TTN: variants seen among roughly 807,000 people sequenced by gnomAD.
The protein encoded by TTN is titin.
In TTN, 1,525 loss-of-function variants were observed where a neutral mutation model predicts 3,223.0. The observed-to-expected ratio is 0.47, with a 90% CI of 0.45 to 0.49. The LOEUF (loss-of-function observed/expected upper bound fraction) is 0.49. Among genes scored for constraint, TTN ranks in the 20% least tolerant of loss-of-function variants. The pLI is 0.00. For synonymous variants in TTN, 14,094 were observed against 15,161.0 expected (o/e 0.93, Z 5.17); for missense variants, 40,786 against 43,424.0 (o/e 0.94, Z 5.40).
In TTN at chr2:178,604,113, C is replaced by CCAAAGG. The variant is rs1399891308; in HGVS notation, c.54568_54573dup (p.Pro18190_Leu18191dup). On this transcript the variant is annotated inframe_insertion, in exon 282 of 363. Transcript: ENST00000589042. The stretch of plus-strand genomic sequence containing the variant: ...CCAGTAATTGGAGAGCCACCATTGT[C>CCAAAGG]CAAAGGAGGAGTCCAGCTCACTAGC... 1 of 1,612,546 alleles carries CCAAAGG rather than the reference C, an allele frequency of 6.2e-7. No individual in the cohort carries two copies. The highest frequency in any genetic ancestry group is 8.5e-7 in the Non-Finnish European group (1 of 1,179,032).
Position 178,561,216 on chromosome 2 carries a change from T to C in TTN, c.84916A>G (p.Asn28306Asp), listed in dbSNP as rs758424234. The stretch of plus-strand genomic sequence containing the variant: ...ACTTCAAAGTATGTTTCTTGTATAT[T>C]AGTATAATTGCACTTCAGCCACCGG... ...DGRWLKCNYT[N>D]IQETYFEVTE... Residue 28306 changes from asparagine to aspartate, a missense_variant, in exon 326 of 363, where the codon AAT (asparagine) becomes GAT (aspartate). Asn to Asp is a conservative substitution (Grantham distance 23, BLOSUM62 1). Transcript: ENST00000589042. The C allele has an allele frequency of 3.2e-5, 51 of 1,613,596 alleles. No homozygotes were observed. In the South Asian group the frequency reaches 5.6e-4, roughly 18 times the overall value.
chr2:178,576,780 G>A lies in TTN; in HGVS notation c.69464C>T (p.Thr23155Ile). Residue 23155 changes from threonine (T) to isoleucine (I), a missense_variant, in exon 325 of 363, where the codon ACT (threonine) becomes ATT (isoleucine). Coordinates refer to ENST00000589042, the MANE Select transcript of TTN (RefSeq NM_001267550.2). This position sits in a 1 kb window ranked among gnomAD's most constrained non-coding sequence, Gnocchi z 4.3. ...KPEVSNVTKNTATVSWKRPVD... is the reference protein window; with the variant it reads ...KPEVSNVTKNIATVSWKRPVD... ...TGGCCTTTTCCAGCTGACAGTGGCA[G>A]TGTTCTTAGTGACATTTGATACCTC... 1 of 1,613,420 alleles carries A rather than the reference G, an allele frequency of 6.2e-7. No homozygotes were observed. The highest frequency in any genetic ancestry group is 8.5e-7 in the Non-Finnish European group (1 of 1,179,608).
chr2:178,799,279 G>A, intron 6 of TTN: 1 of 707,466 alleles, frequency 1.4e-6, no homozygotes, highest in Non-Finnish European at 2.3e-6. Context: ...CTAGTAGGCA[G>A]ACACACAAGC....
At chr2:178,747,075 G>A in intron 47 of TTN, 1 of 1,612,642 alleles carries the variant, frequency 6.2e-7, no homozygotes, top group Non-Finnish European at 8.5e-7. Flanking sequence ...TCCCCTGGGG[G>A]TGTGGAATAT....
Position 178,576,745 on chromosome 2 carries a change from C to T in TTN, c.69499G>A (p.Gly23167Ser), listed in dbSNP as rs1412783912. 1 of 1,613,496 alleles carries T rather than the reference C, an allele frequency of 6.2e-7. No homozygotes were observed. The highest frequency in any genetic ancestry group is 8.5e-7 in the Non-Finnish European group (1 of 1,179,622). The change falls in exon 325 of 363, where the codon GGT (glycine) becomes AGT (serine). Residue 23167 changes from glycine to serine, a missense_variant. By Grantham distance (56) the Gly-to-Ser change is moderately conservative. Coordinates refer to ENST00000589042, the MANE Select transcript of TTN (RefSeq NM_001267550.2). The surrounding 1 kb of genome is among the most constrained non-coding windows in gnomAD (Gnocchi z 4.3). ...TVSWKRPVDD[G>S]GSEITGYHVE... is the part of the protein sequence containing the mutation. ...TGATATCCTGTAATTTCGCTGCCAC[C>T]ATCATCCACTGGCCTTTTCCAGCTG...
rs765233217 is a variant in TTN, at chr2:178,680,321, C to T, written c.33351G>A (p.Lys11117=). 6.2e-7 allele frequency: 1 copy of T among 1,608,650 alleles called. No individual in the cohort carries two copies. The highest frequency in any genetic ancestry group is 1.3e-5 in the African/African-American group (1 of 74,512). ...VTEPAAKVPM[K]PKRVVAEEKV... is the part of the protein sequence containing the mutation. ...TTTCTTCTGCGACAACCCTCTTGGG[C>T]TTCATGGGCACTTGAAATATGAAGT... Residue 11117 remains lysine, a synonymous_variant, in exon 139 of 363, where the codon AAG becomes AAA. Transcript: ENST00000589042.
chr2:178,584,993 T>G, intron 309 of TTN, 25 bp from the exon 310 acceptor site: 1 of 1,609,028 alleles, frequency 6.2e-7, no homozygotes. Context: ...AGGAAAGAAA[T>G]GTAAGAACAA....
chr2:178,756,062 T>C (rs2086832696), intron 46 of TTN, among the ~76,000 whole-genome samples, 160 bp downstream of exon 46: 2 of 152,224 alleles, frequency 1.3e-5, no homozygotes, highest in South Asian at 4.1e-4. Context: ...AGGATAATCA[T>C]GGCCAATGAC....
intron 15 of TTN, among the ~76,000 whole-genome samples, chr2:178,785,315 GAACAATAGT>G (rs1345019770): frequency 6.6e-6 from 1 of 152,106 alleles, no homozygotes; most frequent in Admixed American, 6.5e-5. Context: ...AAAATCATTA[GAACAATAGT>G]AATCAAAACA....
intron 246 of TTN, 48 bp downstream of exon 246, chr2:178,621,054 C>T: frequency 3.1e-6 from 5 of 1,604,972 alleles, no homozygotes; most frequent in Non-Finnish European, 3.4e-6. Context: ...AATACAAATA[C>T]AAAACAAACA....
At chr2:178,641,395 G>A in intron 219 of TTN, 80 bp from the exon 220 acceptor site, 1 of 836,152 alleles carries the variant, frequency 1.2e-6, no homozygotes, top group Non-Finnish European at 1.8e-6. Context: ...TGCAAATAAT[G>A]TACAAAGCAA....
In TTN at chr2:178,721,136, AG is replaced by A; in HGVS notation, c.22882del (p.Leu7628TrpfsTer5). ...TGGGGAGCCACTTATTTTACATTCC[AG>A]TTGAATGGATTCTCCCTGCTTTGCA... ...KVAKQGESIQ[L>X]ECKISGSPEI... On this transcript the variant is annotated frameshift_variant, in exon 79 of 363. Transcript: ENST00000589042. LOFTEE classifies it high-confidence loss of function. 6.2e-7 allele frequency: 1 copy of A among 1,612,626 alleles called. No homozygotes were observed. Among genetic ancestry groups the A allele is most frequent in the Non-Finnish European group, 8.5e-7 (1 of 1,178,826 alleles).
rs747296177 is a variant in TTN at position 178,609,765 on chromosome 2, A to T, written c.51658T>A (p.Phe17220Ile). ...GCGGCGTTCTCTGCTCGCACACGGA[A>T]TTGGTACTCTTTCCCCTCTTCAAGT... ...KGLEEGKEYQ[F>I]RVRAENAAGI... The change falls in exon 272 of 363, where the codon TTC becomes ATC. Residue 17220 changes from phenylalanine to isoleucine, a missense_variant. Coordinates refer to ENST00000589042, the MANE Select transcript of TTN (RefSeq NM_001267550.2). 1 of 1,612,790 alleles carries T rather than the reference A, an allele frequency of 6.2e-7. No individual in the cohort carries two copies. Among genetic ancestry groups the T allele is most frequent in the East Asian group, 2.2e-5 (1 of 44,770 alleles).
chr2:178,720,803 C>T, intron 79 of TTN, 118 bp downstream of exon 79: 2 of 1,388,864 alleles, frequency 1.4e-6, no homozygotes, highest in Non-Finnish European at 1.9e-6. Flanking sequence ...TTCATTAAAA[C>T]TTGTTGAAGA....
Position 178,528,682 on chromosome 2 carries a change from T to C in TTN, c.107069A>G (p.Tyr35690Cys), listed in dbSNP as rs759928440. 1 of 1,613,550 alleles carries C rather than the reference T, an allele frequency of 6.2e-7. No individual in the cohort carries two copies. The highest frequency in any genetic ancestry group is 1.1e-5 in the South Asian group (1 of 91,002). ...GAGTTCTTTGCTCAGTGTCAAATCATACTGACACTTGACGATTCCTTCCTT... is the reference window on the plus strand; with the variant it reads ...GAGTTCTTTGCTCAGTGTCAAATCACACTGACACTTGACGATTCCTTCCTT... ...KTKEGIVKCQ[Y>C]DLTLSKELSD... The change falls in exon 360 of 363, where the codon TAT becomes TGT. Residue 35690 changes from tyrosine to cysteine, a missense_variant. Transcript: ENST00000589042.
chr2:178,533,650 C>G lies in TTN; in HGVS notation c.102965G>C (p.Ser34322Thr), dbSNP rs763242057. ...DKGLYQLTIN[S>T]VTTDDDAEYT... ...TTCAGCGTCATCATCTGTAGTGACACTGTTGATTGTTAATTGGTAAAGACC... is the reference window on the plus strand; with the variant it reads ...TTCAGCGTCATCATCTGTAGTGACAGTGTTGATTGTTAATTGGTAAAGACC... The change falls in exon 358 of 363, where the codon AGT becomes ACT. Residue 34322 changes from serine to threonine, a missense_variant. Coordinates refer to ENST00000589042, the MANE Select transcript of TTN (RefSeq NM_001267550.2). 1 of 1,613,930 alleles carries G rather than the reference C, an allele frequency of 6.2e-7. No individual in the cohort carries two copies. Among genetic ancestry groups the G allele is most frequent in the Non-Finnish European group, 8.5e-7 (1 of 1,179,860 alleles).
intron 43 of TTN, among the ~76,000 whole-genome samples, chr2:178,760,435 CAGG>C (rs2088775162): frequency 6.6e-6 from 1 of 152,142 alleles, no homozygotes; most frequent in Admixed American, 6.5e-5. Flanking sequence ...GAGGCTCAGG[CAGG>C]AGAATAGCTT....
chr2:178,625,874 A>T (rs1338008023), intron 240 of TTN, among the ~76,000 whole-genome samples: 1 of 152,000 alleles, frequency 6.6e-6, no homozygotes, highest in Admixed American at 6.6e-5. Flanking sequence ...CTTTCAAGAA[A>T]ATTTTAGGGT....
chr2:178,527,172 C>G lies in TTN; in HGVS notation c.107816G>C (p.Ser35939Thr), dbSNP rs762284215. 16 of 1,613,910 alleles carry G rather than the reference C, an allele frequency of 9.9e-6. No individual in the cohort carries two copies. In the East Asian group the frequency reaches 3.3e-4, roughly 34 times the overall value. The change falls in exon 363 of 363, where the codon AGT (serine) becomes ACT (threonine). Residue 35939 changes from serine (S) to threonine (T), a missense_variant. Physicochemically the swap from Ser to Thr is moderately conservative, Grantham distance 58 (BLOSUM62 1). Transcript: ENST00000589042. ...AATGTGGAACCTCCCCTGTTCTTGA[C>G]TGTGGATTTTTCTTCCACCACAGGA... ...TWSCGGRKIH[S>T]QEQGRFHIEN...
Sources: allele counts gnomAD v4.1 joint callset (sites outside exome capture counted in the v4.1 genomes callset), GRCh38; gene constraint gnomAD v4.1.1; non-coding constraint Gnocchi (gnomAD v3.1); transcripts MANE v1.5; gene names NCBI Gene and HGNC (gene_info 2026-07-23, HGNC 2026-07-21).